PCGF3: variants seen among roughly 807,000 people sequenced by gnomAD.
PCGF3 encodes the protein polycomb group RING finger protein 3.
In PCGF3, 7 loss-of-function variants were observed where a neutral mutation model predicts 33.1. The ratio of observed to expected loss-of-function variants is 0.21; its 90% CI spans 0.12 to 0.40. The LOEUF (loss-of-function observed/expected upper bound fraction) is 0.40, where lower values mean the gene tolerates loss of function less well. PCGF3 is among the 10% of genes least tolerant of loss of function. The pLI, the probability that PCGF3 is intolerant of heterozygous loss-of-function variation, is 1.00. For synonymous variants in PCGF3, 153 were observed against 121.3 expected, an observed-to-expected ratio of 1.26 and a Z score of -1.72; for missense variants, 211 against 313.3, an observed-to-expected ratio of 0.67 and a Z score of 2.46.
chr4:715,894 T>C (rs769394260), intron 1 of PCGF3, among the ~76,000 whole-genome samples: 109 of 101,078 alleles, frequency 1.1e-3, no homozygotes, highest in South Asian at 2.1e-3. Flanking sequence ...CTGTGGACAC[T>C]GAGGGTGAGA....
chr4:739,749 G>A (rs746598534), intron 6 of PCGF3, among the ~76,000 whole-genome samples: 6 of 152,174 alleles, frequency 3.9e-5, no homozygotes, highest in African/African-American at 1.2e-4. Context: ...TGGAGTGTGC[G>A]TCCAGCCTGG....
intron 8 of PCGF3, among the ~76,000 whole-genome samples, chr4:751,243 T>G (rs915256009): frequency 7.9e-5 from 12 of 152,210 alleles, no homozygotes; most frequent in African/African-American, 2.4e-4. Context: ...TTCCAAAACT[T>G]GGGAAGTCAT....
At chr4:761,321 C>T (rs759745808) in exon 9 of PCGF3, 1 of 1,607,954 alleles carries the variant, frequency 6.2e-7, no homozygotes, top group South Asian at 1.1e-5. Context: ...ACTGCGCGGG[C>T]TGAAGCGGAA....
At chr4:710,964 C>T (rs1056605280) in intron 1 of PCGF3, among the ~76,000 whole-genome samples, 1 of 152,236 alleles carries the variant, frequency 6.6e-6, no homozygotes, top group African/African-American at 2.4e-5. Flanking sequence ...CTTGCGCTTG[C>T]AGTTATTTGT....
In PCGF3 at chr4:737,530, C is replaced by A; in HGVS notation, c.262+9C>A. On this transcript the variant is annotated intron_variant, in intron 6 of 10. Coordinates refer to ENST00000362003, the Ensembl canonical transcript of PCGF3. ...ACCAGGCCTCCAAGAAGGTGAGTGT[C>A]TGACTGTCTTGCTGATCCCTGAGGT... is the stretch of plus-strand genomic sequence containing the variant. 6.3e-7 allele frequency: 1 copy of A among 1,581,158 alleles called. No homozygotes were observed. Among genetic ancestry groups the A allele is most frequent in the Non-Finnish European group, 8.7e-7 (1 of 1,150,066 alleles).
chr4:721,297 A>G lies in PCGF3; in HGVS notation c.-189-9333A>G, dbSNP rs907157988. The stretch of plus-strand genomic sequence containing the variant: ...GAGCTGTTTTCTGGAAAGTTCCATA[A>G]CTCAGCAAAACTGACTCACAAACAA... On this transcript the variant is annotated intron_variant, in intron 1 of 10. Transcript: ENST00000362003. The surrounding 1 kb of genome is among the most constrained non-coding windows in gnomAD (Gnocchi z 4.1). Among the ~76,000 whole-genome samples, 2 of 152,088 alleles carry G rather than the reference A, an allele frequency of 1.3e-5. No homozygotes were observed. The highest frequency in any genetic ancestry group is 2.9e-5 in the Non-Finnish European group (2 of 68,016).
intron 4 of PCGF3, chr4:734,092 T>C (rs1274859436): frequency 1.3e-6 from 2 of 1,550,690 alleles, no homozygotes; most frequent in Admixed American, 2.0e-5. Context: ...CTGCTGGCAG[T>C]TTCCAAATCT....
chr4:723,094 C>T (rs1205189810), intron 1 of PCGF3, among the ~76,000 whole-genome samples: 2 of 146,398 alleles, frequency 1.4e-5, no homozygotes, highest in East Asian at 2.1e-4. Flanking sequence ...CCACCCGCGC[C>T]GGGTCCACAC....
intron 5 of PCGF3, among the ~76,000 whole-genome samples, chr4:736,372 T>C (rs1227999251): frequency 2.0e-5 from 3 of 152,190 alleles, no homozygotes; most frequent in South Asian, 4.1e-4. Flanking sequence ...TTTACATTAT[T>C]TGGAAACATT....
rs191946796 is a variant in PCGF3, at chr4:754,095, C to T, written c.463-7184C>T. On this transcript the variant is annotated intron_variant, in intron 8 of 10. Coordinates refer to ENST00000362003, the Ensembl canonical transcript of PCGF3. ...GGTGTGGTCTCTGCTCATCTTCGCT[C>T]GTGCAGAGTTAGGAAACCCTTACCG... Among the ~76,000 whole-genome samples the T allele has an allele frequency of 1.7e-3, 257 of 152,244 alleles. 1 individual carries two copies. Among genetic ancestry groups the T allele is most frequent in the African/African-American group, 5.4e-3 (225 of 41,520 alleles).
intron 1 of PCGF3, chr4:722,290 A>G: frequency 6.1e-6 from 1 of 164,296 alleles, no homozygotes; most frequent in Non-Finnish European, 1.3e-5. Context: ...AAAAAGCAGA[A>G]GCTACTGTGT....
At chr4:715,441 A>G (rs1742778792) in intron 1 of PCGF3, among the ~76,000 whole-genome samples, 1 of 143,140 alleles carries the variant, frequency 7.0e-6, no homozygotes, top group Non-Finnish European at 1.5e-5. Context: ...CGGTGCTGGG[A>G]CCCTGTAGAC....
chr4:724,724 G>C (rs879551513), intron 1 of PCGF3, among the ~76,000 whole-genome samples: 5 of 152,134 alleles, frequency 3.3e-5, no homozygotes, highest in Admixed American at 6.5e-5. Context: ...TGTGAACCCG[G>C]GAGGCGGAGC....
At chr4:763,046 C>T (rs1577448620) in intron 9 of PCGF3, among the ~76,000 whole-genome samples, 1 of 151,692 alleles carries the variant, frequency 6.6e-6, no homozygotes, top group Middle Eastern at 3.4e-3. Flanking sequence ...GAGTGTCCCA[C>T]AGGTTGGCCG....
intron 5 of PCGF3, 138 bp downstream of exon 5, chr4:735,165 G>C (rs1161089844): frequency 1.1e-5 from 10 of 942,706 alleles, no homozygotes; most frequent in African/African-American, 1.7e-5. Flanking sequence ...GGGCACCCCA[G>C]GAGCTGCACA....
intron 8 of PCGF3, among the ~76,000 whole-genome samples, chr4:750,292 T>C (rs978282462): frequency 6.6e-6 from 1 of 152,252 alleles, no homozygotes; most frequent in East Asian, 1.9e-4. Flanking sequence ...TTCCATCCAC[T>C]CCTCTTTCTA....
chr4:755,759 C>T (rs913016136), intron 8 of PCGF3, among the ~76,000 whole-genome samples: 1 of 152,056 alleles, frequency 6.6e-6, no homozygotes, highest in African/African-American at 2.4e-5. Flanking sequence ...CCCCTGGGCT[C>T]TCTGCTCTGT....
chr4:713,356 C>T (rs1393758277), intron 1 of PCGF3, among the ~76,000 whole-genome samples: 2 of 126,648 alleles, frequency 1.6e-5, no homozygotes, highest in African/African-American at 6.1e-5. Context: ...TTTGTGGGTC[C>T]TGTGTGTCTC....
At chr4:714,778 C>G (rs1690365465) in intron 1 of PCGF3, among the ~76,000 whole-genome samples, 1 of 152,242 alleles carries the variant, frequency 6.6e-6, no homozygotes, top group Admixed American at 6.5e-5. Flanking sequence ...TGGAGGGACT[C>G]TTCTCACTAG....
Sources: gnomAD v4.1 joint callset for allele counts (sites outside exome capture counted in the v4.1 genomes callset) on GRCh38, gnomAD v4.1.1 for gene constraint, Gnocchi (gnomAD v3.1) non-coding constraint, MANE v1.5 for transcripts, NCBI Gene and HGNC (gene_info 2026-07-23, HGNC 2026-07-21) for gene names.